ARHGAP32: variants seen among roughly 807,000 people sequenced by gnomAD.
ARHGAP32 encodes Rho GTPase activating protein 32, also known as rho GTPase-activating protein 32.
Under a neutral mutation model 186.5 loss-of-function variants are expected in ARHGAP32, and 51 were observed. The observed-to-expected ratio is 0.27, with a 90% CI of 0.22 to 0.35. ARHGAP32 has a LOEUF of 0.35. Among genes scored for constraint, ARHGAP32 ranks in the 10% least tolerant of loss-of-function variants. The pLI is 1.00. For synonymous variants in ARHGAP32, 950 were observed against 964.3 expected, an observed-to-expected ratio of 0.99 and a Z score of 0.27; for missense variants, 2,186 against 2,623.5, an observed-to-expected ratio of 0.83 and a Z score of 3.64.
At chr11:129,169,628 T>C (rs1222878605) in intron 1 of ARHGAP32, among the ~76,000 whole-genome samples, 3 of 90,476 alleles carry the variant, frequency 3.3e-5, no homozygotes, top group African/African-American at 8.9e-5. Context: ...TGAGACTCTG[T>C]CTCAAAAAAA....
intron 5 of ARHGAP32, among the ~76,000 whole-genome samples, chr11:129,113,907 G>C (rs779292993): frequency 6.6e-6 from 1 of 151,934 alleles, no homozygotes; most frequent in African/African-American, 2.4e-5. Context: ...CCTAGATTCT[G>C]CTACTTCTCC....
intron 5 of ARHGAP32, among the ~76,000 whole-genome samples, chr11:129,118,537 T>A (rs1159700809): frequency 6.6e-6 from 1 of 151,992 alleles, no homozygotes; most frequent in African/African-American, 2.4e-5. Context: ...GAACAATTTT[T>A]AAGAAAATAT....
At chr11:129,172,760 G>A (rs561466243) in intron 1 of ARHGAP32, among the ~76,000 whole-genome samples, 2 of 152,116 alleles carry the variant, frequency 1.3e-5, no homozygotes, top group South Asian at 4.1e-4. Flanking sequence ...AACAAATAGA[G>A]ACAACATACT....
chr11:129,220,494 A>T (rs1391474921), intron 1 of ARHGAP32, among the ~76,000 whole-genome samples: 1 of 152,210 alleles, frequency 6.6e-6, no homozygotes, highest in African/African-American at 2.4e-5. Flanking sequence ...AGTAGAGTAC[A>T]TATTCCCCAA....
intron 1 of ARHGAP32, among the ~76,000 whole-genome samples, chr11:129,174,000 G>A (rs911607845): frequency 7.9e-5 from 12 of 152,232 alleles, no homozygotes; most frequent in African/African-American, 1.2e-4. Flanking sequence ...CGCAGAAGAC[G>A]GGTGATTTCT....
intron 15 of ARHGAP32, among the ~76,000 whole-genome samples, chr11:128,983,376 C>T (rs886338208): frequency 6.6e-5 from 10 of 150,424 alleles, no homozygotes; most frequent in Admixed American, 5.3e-4. Context: ...GCTTGAGAAA[C>T]GTATTTAGAT....
At chr11:129,193,551 T>TATATATAATATATATA (rs1944315862), upstream of ARHGAP32, among the ~76,000 whole-genome samples, 1 of 16,966 alleles carries the variant, frequency 5.9e-5, no homozygotes, top group African/African-American at 3.1e-4. Flanking sequence ...TTATATATAA[T>TATATATAATATATATA]ATATATATAT....
chr11:129,223,053 T>C (rs1436885456), intron 1 of ARHGAP32, among the ~76,000 whole-genome samples: 1 of 152,206 alleles, frequency 6.6e-6, no homozygotes, highest in African/African-American at 2.4e-5. Flanking sequence ...TTTGTCTAAC[T>C]CAATACATCC....
chr11:129,098,000 AAC>A (rs1423405558), intron 5 of ARHGAP32, among the ~76,000 whole-genome samples: 2 of 152,198 alleles, frequency 1.3e-5, no homozygotes, highest in African/African-American at 4.8e-5. Context: ...AAGGTCAAAA[AAC>A]AGCAGGTAAA....
chr11:129,180,580 A>AT (rs1194887491), intron 1 of ARHGAP32, among the ~76,000 whole-genome samples: 3 of 152,162 alleles, frequency 2.0e-5, no homozygotes, highest in African/African-American at 7.2e-5. Flanking sequence ...GGGCCATGCA[A>AT]TGATGAACCA....
At chr11:129,150,070 C>A (rs1350464241) in intron 2 of ARHGAP32, among the ~76,000 whole-genome samples, 7 of 148,570 alleles carry the variant, frequency 4.7e-5, no homozygotes, top group Non-Finnish European at 8.9e-5. Context: ...GAAAATTAAC[C>A]CAAATTAACT....
intron 1 of ARHGAP32, among the ~76,000 whole-genome samples, chr11:129,249,371 C>G (rs1945148567): frequency 6.6e-6 from 1 of 151,996 alleles, no homozygotes; most frequent in Admixed American, 6.5e-5. Context: ...GAGTGCAAAT[C>G]AACTCAGAAG....
chr11:129,080,360 A>C (rs1052368762), intron 6 of ARHGAP32, among the ~76,000 whole-genome samples: 1 of 152,132 alleles, frequency 6.6e-6, no homozygotes, highest in African/African-American at 2.4e-5. Context: ...GCCACAAAAC[A>C]AATCTCAACA....
intron 11 of ARHGAP32, among the ~76,000 whole-genome samples, chr11:129,025,192 G>A (rs1233499076): frequency 1.3e-5 from 2 of 152,138 alleles, no homozygotes; most frequent in African/African-American, 4.8e-5. Flanking sequence ...TATAGATGAG[G>A]AGACTAAGGC....
chr11:128,972,743 G>A lies in ARHGAP32; in HGVS notation c.3763C>T (p.Pro1255Ser). Residue 1255 changes from proline to serine, a missense_variant, in exon 22 of 23, where the codon CCT becomes TCT. This residue lies in a region of ARHGAP32 where 1,502 missense variants were observed against 1,570.0 expected (regional missense o/e 0.96). Transcript: ENST00000682385. ...GAAGGAGGGTAGATTTTATCGCTAGGTAAATTAGGAGGTGTGGGAGATTTG... is the reference window on the plus strand; with the variant it reads ...GAAGGAGGGTAGATTTTATCGCTAGATAAATTAGGAGGTGTGGGAGATTTG... ...ADKSPTPPNL[P>S]SDKIYPPSGS... 6.2e-7 allele frequency: 1 copy of A among 1,613,990 alleles called. No homozygotes were observed. The highest frequency in any genetic ancestry group is 8.5e-7 in the Non-Finnish European group (1 of 1,180,018).
At chr11:129,036,236 C>T (rs1037179227) in intron 11 of ARHGAP32, among the ~76,000 whole-genome samples, 3 of 151,652 alleles carry the variant, frequency 2.0e-5, no homozygotes, top group East Asian at 2.0e-4. Context: ...AAAAGTTAGC[C>T]GGGCATGGTG....
chr11:129,237,475 A>G (rs1189391655), intron 1 of ARHGAP32, among the ~76,000 whole-genome samples: 5 of 152,176 alleles, frequency 3.3e-5, no homozygotes, highest in East Asian at 1.9e-4. Context: ...TTGGGTAGTG[A>G]TAAGTGCTTT....
chr11:128,976,023 T>A (rs969898229), intron 20 of ARHGAP32, among the ~76,000 whole-genome samples: 1 of 151,810 alleles, frequency 6.6e-6, no homozygotes, highest in Non-Finnish European at 1.5e-5. Flanking sequence ...GTTGCAGTGA[T>A]CCAAGATTGC....
At chr11:129,118,625 A>G (rs575499401) in intron 5 of ARHGAP32, among the ~76,000 whole-genome samples, 195 of 152,206 alleles carry the variant, frequency 1.3e-3, no homozygotes, top group Non-Finnish European at 2.1e-3. Flanking sequence ...AATGGTAAGT[A>G]AAGATGGCAA....
Sources: gnomAD v4.1 joint callset for allele counts (sites outside exome capture counted in the v4.1 genomes callset) on GRCh38, gnomAD v4.1.1 for gene constraint, gnomAD v4.1.1 regional missense constraint, MANE v1.5 for transcripts, NCBI Gene and HGNC (gene_info 2026-07-23, HGNC 2026-07-21) for gene names.